LRRC37A2: variants seen among roughly 807,000 people sequenced by gnomAD.
LRRC37A2 encodes leucine rich repeat containing 37 member A2.
Under a neutral mutation model 68.8 loss-of-function variants are expected in LRRC37A2, and 9 were observed. The observed-to-expected ratio is 0.13, with a 90% CI of 0.08 to 0.23. The LOEUF is 0.23. Among genes scored for constraint, LRRC37A2 ranks in the 10% least tolerant of loss-of-function variants. The pLI is 1.00. For missense variants in LRRC37A2, 168 were observed against 950.4 expected (o/e 0.18, Z 10.82); for synonymous variants, 63 against 367.6 (o/e 0.17, Z 9.48).
the LRRC37A2 span, among the ~76,000 whole-genome samples, chr17:46,828,942 C>A: frequency 1.9e-4 from 29 of 151,964 alleles, no homozygotes; most frequent in Middle Eastern, 6.4e-3. Flanking sequence ...CAGAGTGAGA[C>A]CCTGTCTCAA....
chr17:46,416,929 C>T, the LRRC37A2 span, among the ~76,000 whole-genome samples: 1 of 68,604 alleles, frequency 1.5e-5, no homozygotes, highest in African/African-American at 3.4e-5. Flanking sequence ...GAAATCCTGT[C>T]TCTACTAAAA....
the LRRC37A2 span, among the ~76,000 whole-genome samples, chr17:47,013,923 TC>T: frequency 6.6e-6 from 1 of 152,026 alleles, no homozygotes; most frequent in African/African-American, 2.4e-5. Flanking sequence ...TCACCTGAGG[TC>T]GGGAGTTCAA....
chr17:46,534,242 C>A (rs372168519), intron 6 of LRRC37A2, among the ~76,000 whole-genome samples: 1 of 145,698 alleles, frequency 6.9e-6, no homozygotes, highest in Non-Finnish European at 1.5e-5. Flanking sequence ...GTGTTTCTCG[C>A]AGAGGGGGAT....
the LRRC37A2 span, chr17:46,722,077 C>T: frequency 1.2e-6 from 2 of 1,611,134 alleles, no homozygotes; most frequent in African/African-American, 1.3e-5. Flanking sequence ...AGTTCATCTC[C>T]AGCTCCAGAA....
the LRRC37A2 span, chr17:46,966,457 C>T: frequency 8.1e-6 from 5 of 619,726 alleles, no homozygotes; most frequent in Non-Finnish European, 1.5e-5. Flanking sequence ...AAGCAATCCT[C>T]CCATCTCAGC....
chr17:46,784,945 T>C, the LRRC37A2 span, among the ~76,000 whole-genome samples: 2 of 151,808 alleles, frequency 1.3e-5, no homozygotes, highest in African/African-American at 4.8e-5. Context: ...CCGGCTAATT[T>C]TTTTGTATTT....
At chr17:46,820,824 G>A in the LRRC37A2 span, among the ~76,000 whole-genome samples, 7 of 152,140 alleles carry the variant, frequency 4.6e-5, no homozygotes, top group Non-Finnish European at 8.8e-5. Context: ...CCAAGGGCTC[G>A]GGAGTTCCAG....
chr17:46,872,001 G>A, the LRRC37A2 span, among the ~76,000 whole-genome samples: 1 of 152,174 alleles, frequency 6.6e-6, no homozygotes, highest in Non-Finnish European at 1.5e-5. Flanking sequence ...GATGTCAGGG[G>A]ACCTTGGCTG....
the LRRC37A2 span, among the ~76,000 whole-genome samples, chr17:46,809,409 TTTCCCAGAAAGGTC>T: frequency 4.6e-5 from 7 of 152,076 alleles, no homozygotes; most frequent in Admixed American, 2.6e-4. Context: ...CAGGGGCAGG[TTTCCCAGAAAGGTC>T]TTCCAGACAG....
the LRRC37A2 span, among the ~76,000 whole-genome samples, chr17:47,011,624 T>G: frequency 6.6e-6 from 1 of 151,706 alleles, no homozygotes. Context: ...AAGGTTGGTC[T>G]GAAACTCCTG....
chr17:46,939,083 G>C, the LRRC37A2 span: 17 of 1,217,212 alleles, frequency 1.4e-5, no homozygotes, highest in Non-Finnish European at 1.7e-5. Flanking sequence ...GCCCTGGGAA[G>C]GTGTCCACAG....
At chr17:46,785,644 G>A in the LRRC37A2 span, among the ~76,000 whole-genome samples, 1 of 152,224 alleles carries the variant, frequency 6.6e-6, no homozygotes, top group Non-Finnish European at 1.5e-5. Flanking sequence ...CGAGGAGGTG[G>A]CACAGCTCAG....
chr17:46,932,424 G>A, the LRRC37A2 span: 1 of 611,468 alleles, frequency 1.6e-6, no homozygotes. Context: ...TAAATTGAAG[G>A]GGAATAGGCA....
At chr17:46,820,020 A>G in the LRRC37A2 span, among the ~76,000 whole-genome samples, 2 of 152,176 alleles carry the variant, frequency 1.3e-5, no homozygotes, top group African/African-American at 4.8e-5. Context: ...CAGAAAGGGC[A>G]GAGAATGAGC....
At chr17:46,708,772 G>T in the LRRC37A2 span, among the ~76,000 whole-genome samples, 1 of 144,616 alleles carries the variant, frequency 6.9e-6, no homozygotes, top group African/African-American at 2.5e-5. Context: ...AGGATTATGG[G>T]CATGAGCCAC....
chr17:46,789,246 G>C, the LRRC37A2 span, among the ~76,000 whole-genome samples: 50 of 152,270 alleles, frequency 3.3e-4, no homozygotes, highest in East Asian at 8.1e-3. Context: ...TGGCCACCAG[G>C]GCTGGCACCT....
At chr17:46,742,610 G>A in the LRRC37A2 span, among the ~76,000 whole-genome samples, 3 of 152,162 alleles carry the variant, frequency 2.0e-5, no homozygotes, top group African/African-American at 7.2e-5. Flanking sequence ...GGTATGTGGG[G>A]ATTGAGTTGG....
the LRRC37A2 span, among the ~76,000 whole-genome samples, chr17:46,673,909 G>GT: frequency 7.5e-4 from 7 of 9,296 alleles, 3 homozygotes; most frequent in African/African-American, 1.5e-3. Context: ...TATTCCATGG[G>GT]GGTGTGTGTG....
the LRRC37A2 span, among the ~76,000 whole-genome samples, chr17:46,814,339 TGTTTTCTTCTTTTTAA>T: frequency 1.7e-4 from 26 of 152,238 alleles, no homozygotes; most frequent in Non-Finnish European, 3.2e-4. Context: ...ACGTTTGACC[TGTTTTCTTCTTTTTAA>T]GCAAAATGTG....
Sources: gnomAD v4.1 joint callset for allele counts (sites outside exome capture counted in the v4.1 genomes callset) on GRCh38, gnomAD v4.1.1 for gene constraint, MANE v1.5 for transcripts, NCBI Gene and HGNC (gene_info 2026-07-23, HGNC 2026-07-21) for gene names.